MSRA: variants seen among roughly 807,000 people sequenced by gnomAD.
MSRA encodes the protein methionine sulfoxide reductase A, also known as mitochondrial peptide methionine sulfoxide reductase.
A neutral mutation model predicts 31.3 loss-of-function variants in MSRA; 54 were observed. The ratio of observed to expected loss-of-function variants is 1.73; its 90% CI spans 1.39 to 2.17. The LOEUF is 2.17. Among genes scored for constraint, MSRA ranks in the 30% most tolerant of loss-of-function variants. MSRA has a pLI of 0.00. For synonymous variants in MSRA, 169 were observed against 116.5 expected, an observed-to-expected ratio of 1.45 and a Z score of -2.90; for missense variants, 507 against 300.9, an observed-to-expected ratio of 1.69 and a Z score of -5.07.
chr8:10,428,108 C>T (rs370489264), intron 5 of MSRA, 40 bp from the exon 6 acceptor site: 152 of 1,592,908 alleles, frequency 9.5e-5, no homozygotes, highest in Non-Finnish European at 1.3e-4. Flanking sequence ...TGCTGTCTCT[C>T]TAGCATGGGA....
At chr8:10,364,288 A>C (rs1805032669) in intron 5 of MSRA, among the ~76,000 whole-genome samples, 1 of 152,216 alleles carries the variant, frequency 6.6e-6, no homozygotes, top group South Asian at 2.1e-4. Context: ...ACACCCAGAT[A>C]GAATTGTTGC....
intron 1 of MSRA, among the ~76,000 whole-genome samples, chr8:10,157,074 G>A (rs997757248): frequency 2.0e-5 from 3 of 151,832 alleles, no homozygotes; most frequent in Non-Finnish European, 2.9e-5. Flanking sequence ...TGAATACATC[G>A]TAGATTTGAA....
intron 1 of MSRA, among the ~76,000 whole-genome samples, chr8:10,124,464 G>C (rs1267077825): frequency 1.3e-5 from 2 of 152,194 alleles, no homozygotes; most frequent in Non-Finnish European, 2.9e-5. Context: ...CCCATTTCAG[G>C]AGGCATCTGT....
intron 3 of MSRA, among the ~76,000 whole-genome samples, chr8:10,286,980 G>T (rs769421393): frequency 6.6e-6 from 1 of 152,188 alleles, no homozygotes; most frequent in Admixed American, 6.5e-5. Context: ...GAGGTTAAGC[G>T]ATTCGTCCAA....
chr8:10,417,469 A>C (rs185614455), intron 5 of MSRA, among the ~76,000 whole-genome samples: 2 of 145,696 alleles, frequency 1.4e-5, no homozygotes, highest in Admixed American at 1.4e-4. Flanking sequence ...ATGTAGGCTT[A>C]GTAAGCCCAG....
At chr8:10,124,224 A>AC (rs1401803059) in intron 1 of MSRA, among the ~76,000 whole-genome samples, 2 of 152,196 alleles carry the variant, frequency 1.3e-5, no homozygotes, top group Non-Finnish European at 2.9e-5. Context: ...AGATAAGTGG[A>AC]CAGGGAGATC....
At chr8:10,335,653 G>C (rs1453416423) in intron 5 of MSRA, among the ~76,000 whole-genome samples, 3 of 152,104 alleles carry the variant, frequency 2.0e-5, no homozygotes, top group Non-Finnish European at 2.9e-5. Flanking sequence ...GGCTCTCTTC[G>C]GCTGGCGACT....
intron 3 of MSRA, among the ~76,000 whole-genome samples, chr8:10,276,565 T>C (rs560039123): frequency 5.1e-4 from 78 of 152,358 alleles, no homozygotes; most frequent in African/African-American, 1.8e-3. Flanking sequence ...TGCTCTGGAT[T>C]AATGTGATTA....
At chr8:10,122,348 A>G (rs376126015) in intron 1 of MSRA, among the ~76,000 whole-genome samples, 1 of 152,200 alleles carries the variant, frequency 6.6e-6, no homozygotes, top group Admixed American at 6.5e-5. Context: ...ATCAGCAGAA[A>G]GGAGCTGAGT....
At chr8:10,292,248 G>T (rs1800275899) in intron 3 of MSRA, among the ~76,000 whole-genome samples, 1 of 152,174 alleles carries the variant, frequency 6.6e-6, no homozygotes, top group South Asian at 2.1e-4. Context: ...CCATACAGAT[G>T]CCCCGTCCGG....
chr8:10,283,836 T>TACACACACACACACACACACAC (rs372503609), intron 3 of MSRA, among the ~76,000 whole-genome samples: 25 of 53,154 alleles, frequency 4.7e-4, no homozygotes, highest in Non-Finnish European at 7.0e-4. Context: ...TATATATATA[T>TACACACACACACACACACACAC]ACACACACAC....
intron 1 of MSRA, among the ~76,000 whole-genome samples, chr8:10,153,812 C>G (rs140048178): frequency 6.6e-6 from 1 of 152,322 alleles, no homozygotes; most frequent in East Asian, 1.9e-4. Context: ...CTAGAACATG[C>G]AGTTGGTTTT....
chr8:10,086,991 T>C (rs2128925465), intron 1 of MSRA, among the ~76,000 whole-genome samples: 1 of 152,142 alleles, frequency 6.6e-6, no homozygotes, highest in South Asian at 2.1e-4. Context: ...AATTCCACAC[T>C]GGAGCTTTGT....
In MSRA at chr8:10,419,598, A is replaced by G. The variant is rs76886529; in HGVS notation, c.544-8550A>G. Among the ~76,000 whole-genome samples the G allele has an allele frequency of 4.4e-3, 667 of 152,312 alleles. 6 individuals are homozygous for G. The highest frequency in any genetic ancestry group is 0.015 in the African/African-American group (636 of 41,552). On this transcript the variant is annotated intron_variant, in intron 5 of 5. Transcript: ENST00000317173. ...AGGGGCCCTGCAAACTCCTCCTGAC[A>G]TCCATTAGAAAATTGACACTGTACC...
intron 5 of MSRA, among the ~76,000 whole-genome samples, chr8:10,400,597 G>A (rs957919064): frequency 3.3e-5 from 5 of 152,190 alleles, no homozygotes; most frequent in African/African-American, 4.8e-5. Context: ...CAAGCTGACC[G>A]AGAGATGTAG....
chr8:10,232,309 G>T (rs989030029), intron 2 of MSRA, among the ~76,000 whole-genome samples: 3 of 152,290 alleles, frequency 2.0e-5, no homozygotes, highest in East Asian at 1.9e-4. Context: ...CCCATCTGTT[G>T]TTGGAGGGTT....
intron 3 of MSRA, among the ~76,000 whole-genome samples, chr8:10,287,927 C>G (rs1800024744): frequency 2.0e-5 from 3 of 152,146 alleles, no homozygotes; most frequent in Admixed American, 6.6e-5. Flanking sequence ...TTGCTTGTTT[C>G]TCTGCCCTCC....
intron 1 of MSRA, among the ~76,000 whole-genome samples, chr8:10,091,037 C>T (rs1035667251): frequency 9.2e-5 from 14 of 152,052 alleles, no homozygotes; most frequent in African/African-American, 2.2e-4. Flanking sequence ...TAGAGATGAT[C>T]GTGTGGGTTC....
At chr8:10,173,149 A>T (rs141168245) in intron 1 of MSRA, among the ~76,000 whole-genome samples, 1 of 152,248 alleles carries the variant, frequency 6.6e-6, no homozygotes, top group Non-Finnish European at 1.5e-5. Flanking sequence ...CCTTAATACA[A>T]ACTGTTTTAT....
Sources: gnomAD v4.1 joint callset for allele counts (sites outside exome capture counted in the v4.1 genomes callset) on GRCh38, gnomAD v4.1.1 for gene constraint, MANE v1.5 for transcripts, NCBI Gene and HGNC (gene_info 2026-07-23, HGNC 2026-07-21) for gene names.